The following PLCB4 variants were observed in gnomAD, a reference collection of about 807,000 sequenced individuals.
The protein encoded by PLCB4 is 1-phosphatidylinositol 4,5-bisphosphate phosphodiesterase beta-4.
A neutral mutation model predicts 178.8 loss-of-function variants in PLCB4; 77 were observed. The observed-to-expected ratio is 0.43, with a 90% CI of 0.36 to 0.52. The LOEUF is 0.52. PLCB4 is among the 20% of genes least tolerant of loss of function. PLCB4 has a pLI of 0.00. For synonymous variants in PLCB4, 496 were observed against 490.8 expected (o/e 1.01, Z -0.14); for missense variants, 1,024 against 1,453.4 (o/e 0.70, Z 4.80).
chr20:9,158,382 C>G (rs1396800584), intron 2 of PLCB4, among the ~76,000 whole-genome samples: 1 of 151,834 alleles, frequency 6.6e-6, no homozygotes, highest in African/African-American at 2.4e-5. Flanking sequence ...CCTCCTCCAT[C>G]AGCCTCCCAA....
At chr20:9,383,797 A>G (rs1044134673) in intron 13 of PLCB4, among the ~76,000 whole-genome samples, 1 of 152,210 alleles carries the variant, frequency 6.6e-6, no homozygotes, top group East Asian at 1.9e-4. Flanking sequence ...CATTATGAAG[A>G]TCTTGGAAGT....
chr20:9,119,047 G>T (rs1047074893), intron 2 of PLCB4, among the ~76,000 whole-genome samples: 1 of 152,096 alleles, frequency 6.6e-6, no homozygotes, highest in African/African-American at 2.4e-5. Context: ...ACAGCTGTGG[G>T]CATCATGAAT....
At chr20:9,343,601 G>T (rs1198839368) in intron 7 of PLCB4, among the ~76,000 whole-genome samples, 1 of 152,170 alleles carries the variant, frequency 6.6e-6, no homozygotes, top group African/African-American at 2.4e-5. Flanking sequence ...AGCTCACCTT[G>T]TCTTTTCTTC....
At chr20:9,267,022 A>C (rs1181579781) in intron 3 of PLCB4, among the ~76,000 whole-genome samples, 1 of 152,184 alleles carries the variant, frequency 6.6e-6, no homozygotes, top group Non-Finnish European at 1.5e-5. Flanking sequence ...GAGCAAGTTT[A>C]TGATAAAATG....
intron 12 of PLCB4, among the ~76,000 whole-genome samples, chr20:9,374,417 T>C (rs1188949416): frequency 6.6e-6 from 1 of 152,222 alleles, no homozygotes; most frequent in Non-Finnish European, 1.5e-5. Context: ...GTTTTGTTTC[T>C]TTAACCCCTT....
intron 3 of PLCB4, among the ~76,000 whole-genome samples, chr20:9,284,877 A>C: frequency 1.3e-5 from 2 of 152,108 alleles, no homozygotes; most frequent in South Asian, 4.1e-4. Flanking sequence ...AACCAGGTCT[A>C]GAGCTCTGCT....
At chr20:9,091,264 G>A (rs1304915703) in intron 1 of PLCB4, among the ~76,000 whole-genome samples, 3 of 151,796 alleles carry the variant, frequency 2.0e-5, no homozygotes, top group East Asian at 1.9e-4. Flanking sequence ...TATAAGTCTC[G>A]ACAACTGTAA....
intron 3 of PLCB4, among the ~76,000 whole-genome samples, 160 bp downstream of exon 3, chr20:9,217,612 G>A (rs553159668): frequency 1.3e-5 from 2 of 152,164 alleles, no homozygotes; most frequent in African/African-American, 4.8e-5. Context: ...CATTAAGCAG[G>A]ATCTCCCAGC....
At chr20:9,226,423 T>C (rs1377588461) in intron 3 of PLCB4, among the ~76,000 whole-genome samples, 2 of 152,198 alleles carry the variant, frequency 1.3e-5, no homozygotes, top group South Asian at 4.1e-4. Flanking sequence ...ATTGAAAAAC[T>C]GAATGATTTT....
At chr20:9,073,213 G>A (rs1229630266) in intron 1 of PLCB4, among the ~76,000 whole-genome samples, 5 of 152,120 alleles carry the variant, frequency 3.3e-5, no homozygotes, top group African/African-American at 1.2e-4. Flanking sequence ...TTAGAAACAG[G>A]AAGAAAAAAG....
chr20:9,332,700 T>C (rs540756567), intron 4 of PLCB4, among the ~76,000 whole-genome samples: 74 of 152,306 alleles, frequency 4.9e-4, no homozygotes, highest in African/African-American at 1.8e-3. Flanking sequence ...TTTTTCCCTT[T>C]TTTGCTTTTG....
intron 4 of PLCB4, 62 bp downstream of exon 4, chr20:9,307,960 C>A: frequency 2.9e-6 from 2 of 696,820 alleles, no homozygotes; most frequent in Non-Finnish European, 4.8e-6. Flanking sequence ...ATTTTAATTA[C>A]AGTATTGAGT....
intron 1 of PLCB4, among the ~76,000 whole-genome samples, chr20:9,083,121 G>T (rs1354540547): frequency 6.6e-6 from 1 of 152,174 alleles, no homozygotes; most frequent in Non-Finnish European, 1.5e-5. Context: ...TTCCAGCTTT[G>T]TTGGAAAGGT....
intron 3 of PLCB4, among the ~76,000 whole-genome samples, chr20:9,306,848 C>T (rs1429470461): frequency 1.3e-5 from 2 of 152,204 alleles, no homozygotes; most frequent in Admixed American, 6.5e-5. Flanking sequence ...TGCCTAGCCT[C>T]TCTTTAAATG....
chr20:9,445,551 A>G (rs908101302), intron 32 of PLCB4, among the ~76,000 whole-genome samples: 3 of 152,190 alleles, frequency 2.0e-5, no homozygotes, highest in African/African-American at 7.2e-5. Context: ...TTATCCTAAC[A>G]CTGATTTTTT....
chr20:9,257,367 T>A (rs1191532197), intron 3 of PLCB4, among the ~76,000 whole-genome samples: 2 of 152,176 alleles, frequency 1.3e-5, no homozygotes, highest in Non-Finnish European at 2.9e-5. Flanking sequence ...TAAATGTGAG[T>A]GAAATTTTCT....
chr20:9,121,383 G>A (rs1019757122), intron 2 of PLCB4, among the ~76,000 whole-genome samples: 4 of 151,968 alleles, frequency 2.6e-5, no homozygotes, highest in African/African-American at 9.7e-5. Context: ...CTTACGTGTC[G>A]TCCCACCTGT....
At chr20:9,421,230 G>A (rs2148567516) in intron 26 of PLCB4, 67 bp from the exon 27 acceptor site, 2 of 1,232,146 alleles carry the variant, frequency 1.6e-6, no homozygotes, top group South Asian at 3.2e-5. Flanking sequence ...CTTACTTCCT[G>A]ATTATTTTTT....
chr20:9,262,332 T>TGAGA (rs138950513), intron 3 of PLCB4, among the ~76,000 whole-genome samples: 30 of 145,818 alleles, frequency 2.1e-4, no homozygotes, highest in Non-Finnish European at 3.6e-4. Flanking sequence ...AGTGAGTGAG[T>TGAGA]GAGAGAGAGA....
Sources: gnomAD v4.1 joint callset for allele counts (sites outside exome capture counted in the v4.1 genomes callset) on GRCh38, gnomAD v4.1.1 for gene constraint, MANE v1.5 for transcripts, NCBI Gene and HGNC (gene_info 2026-07-23, HGNC 2026-07-21) for gene names.